NUGGC: variants seen among roughly 807,000 people sequenced by gnomAD.
The protein encoded by NUGGC is nuclear GTPase, germinal center associated.
A neutral mutation model predicts 92.6 loss-of-function variants in NUGGC; 58 were observed. The ratio of observed to expected loss-of-function variants is 0.63; its 90% CI spans 0.51 to 0.78. The LOEUF (loss-of-function observed/expected upper bound fraction) is 0.78, where lower values mean the gene tolerates loss of function less well. Ranked by LOEUF, NUGGC falls within the 30% of genes least tolerant of loss-of-function variation. The pLI is 0.00. For missense variants in NUGGC, 925 were observed against 964.6 expected, an observed-to-expected ratio of 0.96 and a Z score of 0.54; for synonymous variants, 376 against 366.4, an observed-to-expected ratio of 1.03 and a Z score of -0.30.
At chr8:28,070,836 T>TA in intron 2 of NUGGC, among the ~76,000 whole-genome samples, 1 of 150,656 alleles carries the variant, frequency 6.6e-6, no homozygotes, top group African/African-American at 2.4e-5. Context: ...ATATATATAT[T>TA]TTTTGATTAG....
intron 14 of NUGGC, 50 bp from the exon 15 acceptor site, chr8:28,031,431 G>A (rs1200386673): frequency 3.8e-6 from 6 of 1,584,022 alleles, no homozygotes; most frequent in South Asian, 1.1e-5. Context: ...GCTGCTGTGA[G>A]GCTGAAACAA....
intron 1 of NUGGC, among the ~76,000 whole-genome samples, chr8:28,081,642 G>T (rs1191972481): frequency 2.0e-5 from 3 of 152,120 alleles, no homozygotes; most frequent in Non-Finnish European, 4.4e-5. Context: ...ATTTTGGGAG[G>T]CTGAGCCGGG....
chr8:28,049,516 A>G (rs1314145105), intron 10 of NUGGC, among the ~76,000 whole-genome samples: 2 of 152,242 alleles, frequency 1.3e-5, no homozygotes, highest in Non-Finnish European at 2.9e-5. Flanking sequence ...ATTAGTTAAC[A>G]TTTATGCTTT....
intron 10 of NUGGC, among the ~76,000 whole-genome samples, chr8:28,048,614 A>G (rs922903715): frequency 6.6e-6 from 1 of 152,172 alleles, no homozygotes; most frequent in Non-Finnish European, 1.5e-5. Context: ...CTGTAATCCT[A>G]GCACTTTGGG....
rs372326272 is a variant in NUGGC at position 28,065,334 on chromosome 8, G to A, written c.712-603C>T. On this transcript the variant is annotated intron_variant, in intron 6 of 18. Transcript: ENST00000413272. ...CAACCACGCCCGGCTAATTTTTGTT[G>A]TATTTTTAGTAGAGACAGGGTTTCA... Among the ~76,000 whole-genome samples the A allele has an allele frequency of 2.2e-4, 33 of 152,058 alleles. No homozygotes were observed. The South Asian group carries it at 6.0e-3, about 28-fold the overall frequency.
At chr8:28,027,279 C>G (rs1447929231) in intron 17 of NUGGC, among the ~76,000 whole-genome samples, 1 of 152,220 alleles carries the variant, frequency 6.6e-6, no homozygotes, top group Non-Finnish European at 1.5e-5. Context: ...TACAGCATCT[C>G]CCTCCCCACC....
chr8:28,049,812 G>A (rs1187124108), intron 10 of NUGGC, among the ~76,000 whole-genome samples: 2 of 152,218 alleles, frequency 1.3e-5, no homozygotes, highest in East Asian at 1.9e-4. Context: ...GAGGCTAGGT[G>A]TGGTGGCTCA....
At chr8:28,071,374 TC>T (rs1484311308) in intron 2 of NUGGC, among the ~76,000 whole-genome samples, 2 of 151,892 alleles carry the variant, frequency 1.3e-5, no homozygotes, top group East Asian at 3.9e-4. Context: ...CCAGAAAAAA[TC>T]ACATCTTCTT....
chr8:28,027,332 A>C (rs1169541748), intron 17 of NUGGC, among the ~76,000 whole-genome samples: 1 of 152,218 alleles, frequency 6.6e-6, no homozygotes, highest in Non-Finnish European at 1.5e-5. Context: ...CAGCTGATCA[A>C]ATCAGGAGCT....
chr8:28,080,315 AT>A (rs1290881368), intron 1 of NUGGC, among the ~76,000 whole-genome samples: 1 of 152,220 alleles, frequency 6.6e-6, no homozygotes, highest in Non-Finnish European at 1.5e-5. Context: ...TATCAGAGGA[AT>A]ACATTTTCAC....
chr8:28,025,418 T>C lies in NUGGC; in HGVS notation c.2245+1544A>G, dbSNP rs530113698. ...CACCATCTGTCAAGTGCACCTGCTA[T>C]AATTCTTGAAGTTCAGAGACAGAGT... On this transcript the variant is annotated intron_variant, in intron 18 of 18. Coordinates refer to ENST00000413272, the MANE Select transcript of NUGGC (RefSeq NM_001010906.2). Among the ~76,000 whole-genome samples the C allele has an allele frequency of 5.9e-5, 9 of 152,352 alleles. No homozygotes were observed. The East Asian group carries it at 1.7e-3, about 29-fold the overall frequency.
intron 2 of NUGGC, among the ~76,000 whole-genome samples, chr8:28,071,850 TC>T (rs1810598377): frequency 6.6e-6 from 1 of 151,822 alleles, no homozygotes; most frequent in Admixed American, 6.6e-5. Context: ...AAAGAGTAGA[TC>T]CCCAAGAATC....
Position 28,041,128 on chromosome 8 carries a change from A to G in NUGGC, c.1534T>C (p.Cys512Arg), listed in dbSNP as rs565933471. 4.0e-5 allele frequency: 64 copies of G among 1,609,486 alleles called. 2 individuals are homozygous for G. The South Asian group carries it at 6.8e-4, about 17-fold the overall frequency. Residue 512 changes from cysteine to arginine, a missense_variant, in exon 13 of 19, where the codon TGC (cysteine) becomes CGC (arginine). Coordinates refer to ENST00000413272, the MANE Select transcript of NUGGC (RefSeq NM_001010906.2). ...CCTTCTTGCAGAGGCTGCTCCATGC[A>G]GGCGAAGCACTGTGCGATGGCCTTC... ...LEKAIAQCFA[C>R]MEQPLQEGVR...
chr8:28,044,368 G>A (rs545361425), intron 12 of NUGGC, among the ~76,000 whole-genome samples: 2 of 152,340 alleles, frequency 1.3e-5, no homozygotes, highest in East Asian at 3.9e-4. Flanking sequence ...TACAGCAACA[G>A]AGTCAGCCAC....
At chr8:28,074,994 C>A (rs983204248) in intron 1 of NUGGC, among the ~76,000 whole-genome samples, 2 of 152,112 alleles carry the variant, frequency 1.3e-5, no homozygotes, top group African/African-American at 4.8e-5. Flanking sequence ...GTAACTCACG[C>A]TGAAATGAGA....
intron 8 of NUGGC, among the ~76,000 whole-genome samples, chr8:28,059,448 T>C (rs538522779): frequency 5.6e-4 from 86 of 152,338 alleles, no homozygotes; most frequent in South Asian, 2.3e-3. Flanking sequence ...CATTGTAATT[T>C]GTTATAATAC....
chr8:28,053,619 A>C (rs1445153201), intron 10 of NUGGC, among the ~76,000 whole-genome samples: 1 of 152,190 alleles, frequency 6.6e-6, no homozygotes, highest in Non-Finnish European at 1.5e-5. Context: ...CCTCAGAAGA[A>C]CTTGCACCAT....
At chr8:28,074,311 C>G (rs1218813539) in intron 2 of NUGGC, 57 bp downstream of exon 2, 1 of 1,223,792 alleles carries the variant, frequency 8.2e-7, no homozygotes, top group Non-Finnish European at 1.2e-6. Flanking sequence ...TGCCTTTTAT[C>G]CTATATCAGT....
chr8:28,067,366 A>G lies in NUGGC; in HGVS notation c.711+148T>C, dbSNP rs1005573442. ...TTGATAGCCATAAATAATGAGGATA[A>G]CTTGGGCTACGGATACTTCTAATTT... On this transcript the variant is annotated intron_variant, in intron 6 of 18. Coordinates refer to ENST00000413272, the MANE Select transcript of NUGGC (RefSeq NM_001010906.2). The G allele has an allele frequency of 4.8e-6, 3 of 631,142 alleles. No individual in the cohort carries two copies. The African/African-American group carries it at 5.5e-5, about 12-fold the overall frequency. 39.1% of individuals were successfully genotyped at this position (631,142 alleles called of 1,614,324 possible).
Sources: allele counts gnomAD v4.1 joint callset (sites outside exome capture counted in the v4.1 genomes callset), GRCh38; gene constraint gnomAD v4.1.1; transcripts MANE v1.5; gene names NCBI Gene and HGNC (gene_info 2026-07-23, HGNC 2026-07-21).